DPH6: variants seen among roughly 807,000 people sequenced by gnomAD.
DPH6 encodes diphthine--ammonia ligase.
DPH6 carries 33 observed loss-of-function variants against 38.2 expected under a neutral mutation model. The observed-to-expected ratio is 0.86, with a 90% CI of 0.65 to 1.15. The LOEUF (loss-of-function observed/expected upper bound fraction) is 1.15, where lower values mean the gene tolerates loss of function less well. DPH6 is among the 50% of genes most tolerant of loss of function. The probability of loss-of-function intolerance (pLI) is 0.00; values close to 1 mark genes in which losing one functional copy is unlikely to be tolerated. For missense variants in DPH6, 325 were observed against 320.0 expected (o/e 1.02, Z -0.12); for synonymous variants, 108 against 103.0 (o/e 1.05, Z -0.30).
chr15:35,412,329 G>T (rs1057437397), intron 5 of DPH6, among the ~76,000 whole-genome samples: 2 of 151,634 alleles, frequency 1.3e-5, no homozygotes, highest in African/African-American at 4.8e-5. Flanking sequence ...AAAATCTGGA[G>T]AACTTACAAC....
chr15:35,539,338 T>C (rs2055217997), intron 2 of DPH6, among the ~76,000 whole-genome samples: 1 of 152,102 alleles, frequency 6.6e-6, no homozygotes, highest in South Asian at 2.1e-4. Context: ...ATTAATATAA[T>C]GTTGAAGAAC....
At chr15:35,190,318 C>T in the DPH6 span, among the ~76,000 whole-genome samples, 4 of 152,272 alleles carry the variant, frequency 2.6e-5, no homozygotes, top group South Asian at 2.1e-4. Flanking sequence ...TTCGGAAGAC[C>T]GGAGTTTTAT....
intron 6 of DPH6, among the ~76,000 whole-genome samples, chr15:35,390,536 C>A (rs2053039689): frequency 6.6e-6 from 1 of 152,252 alleles, no homozygotes; most frequent in East Asian, 1.9e-4. Context: ...AGGCTTTGTT[C>A]ATTTCTTTTT....
downstream of DPH6, among the ~76,000 whole-genome samples, chr15:35,212,997 ATATG>A (rs2051395184): frequency 6.6e-6 from 1 of 152,248 alleles, no homozygotes; most frequent in African/African-American, 2.4e-5. Flanking sequence ...TTAACAATGG[ATATG>A]TAAAATATTA....
At chr15:35,230,574 G>T (rs12900360) in intron 3 of DPH6, among the ~76,000 whole-genome samples, 2,052 of 152,208 alleles carry the variant, frequency 0.013, 11 homozygotes, top group Admixed American at 0.02. Flanking sequence ...TTATCAAAGA[G>T]AAGAAGTCTT....
intron 3 of DPH6, among the ~76,000 whole-genome samples, chr15:35,303,410 G>A (rs76222147): frequency 1.3e-5 from 2 of 151,690 alleles, no homozygotes; most frequent in Admixed American, 1.3e-4. Flanking sequence ...CTTACCAATA[G>A]ACGTTCCAAT....
chr15:35,413,726 A>G (rs1299843440), intron 5 of DPH6, among the ~76,000 whole-genome samples: 1 of 151,722 alleles, frequency 6.6e-6, no homozygotes, highest in Non-Finnish European at 1.5e-5. Flanking sequence ...TCTTATAAAT[A>G]TGACTCCAAA....
At chr15:35,491,394 T>A (rs1236603808) in intron 3 of DPH6, among the ~76,000 whole-genome samples, 1 of 152,112 alleles carries the variant, frequency 6.6e-6, no homozygotes. Context: ...ATGGAGACTG[T>A]TAGTGAAATC....
At chr15:35,352,506 C>A (rs550529827) in intron 3 of DPH6, among the ~76,000 whole-genome samples, 59 of 152,248 alleles carry the variant, frequency 3.9e-4, no homozygotes, top group Non-Finnish European at 7.8e-4. Flanking sequence ...GTTCAATTCC[C>A]ACCTATGAGT....
the DPH6 span, among the ~76,000 whole-genome samples, chr15:35,199,275 T>C: frequency 0.022 from 3,361 of 152,262 alleles, 54 homozygotes; most frequent in Middle Eastern, 0.037. Flanking sequence ...AAAAAGTCCC[T>C]AAGAAGCTCA....
At chr15:35,201,410 T>A in the DPH6 span, among the ~76,000 whole-genome samples, 4 of 151,884 alleles carry the variant, frequency 2.6e-5, no homozygotes, top group African/African-American at 9.7e-5. Context: ...CATTTTCATA[T>A]TTAATCAATT....
the DPH6 span, among the ~76,000 whole-genome samples, chr15:35,186,066 A>T: frequency 6.6e-6 from 1 of 152,056 alleles, no homozygotes; most frequent in African/African-American, 2.4e-5. Context: ...AAGGAAACAA[A>T]GTTTCAGAAA....
chr15:35,545,840 G>T (rs932354017), intron 1 of DPH6, among the ~76,000 whole-genome samples: 1 of 152,072 alleles, frequency 6.6e-6, no homozygotes, highest in Non-Finnish European at 1.5e-5. Flanking sequence ...CCCAGGCGTC[G>T]GTACTTTTTT....
chr15:35,388,282 G>A (rs2053000735), intron 6 of DPH6, among the ~76,000 whole-genome samples: 1 of 152,156 alleles, frequency 6.6e-6, no homozygotes, highest in Non-Finnish European at 1.5e-5. Context: ...ATGTTCATCA[G>A]GGATATTGGT....
chr15:35,379,859 T>C (rs890166511), intron 7 of DPH6, among the ~76,000 whole-genome samples: 5 of 152,094 alleles, frequency 3.3e-5, no homozygotes, highest in Non-Finnish European at 5.9e-5. Flanking sequence ...CTGATAAGTA[T>C]GAGAACAAGC....
At chr15:35,441,533 C>T (rs113401091) in intron 5 of DPH6, among the ~76,000 whole-genome samples, 31,782 of 152,020 alleles carry the variant, frequency 0.21, 4,217 homozygotes, top group African/African-American at 0.38. Flanking sequence ...AGCTGGAAAC[C>T]ATCATTCTCA....
the DPH6 span, among the ~76,000 whole-genome samples, chr15:35,177,428 T>TAAAAAA: frequency 0.17 from 25,979 of 150,498 alleles, 2,632 homozygotes; most frequent in East Asian, 0.37. Flanking sequence ...ATAATAATAA[T>TAAAAAA]AATAAAAATT....
At chr15:35,199,045 G>A in the DPH6 span, among the ~76,000 whole-genome samples, 4 of 151,866 alleles carry the variant, frequency 2.6e-5, no homozygotes, top group South Asian at 4.2e-4. Context: ...TTAGCCTCCC[G>A]AGTAGCTGGG....
intron 3 of DPH6, among the ~76,000 whole-genome samples, chr15:35,488,596 C>T (rs1004541761): frequency 2.0e-5 from 3 of 149,540 alleles, no homozygotes; most frequent in Non-Finnish European, 4.4e-5. Context: ...CCCCCATGAT[C>T]CAAACACCTC....
Sources: allele counts gnomAD v4.1 joint callset (sites outside exome capture counted in the v4.1 genomes callset), GRCh38; gene constraint gnomAD v4.1.1; transcripts MANE v1.5; gene names NCBI Gene and HGNC (gene_info 2026-07-23, HGNC 2026-07-21).